Variants in COQ10B observed in about 807,000 individuals in gnomAD.
COQ10B encodes the protein coenzyme Q10B.
COQ10B carries 12 observed loss-of-function variants against 27.6 expected under a neutral mutation model. That is an observed-to-expected ratio of 0.43 (90% CI 0.28 to 0.70). The LOEUF is 0.70. COQ10B is among the 30% of genes least tolerant of loss of function. COQ10B has a pLI of 0.17. For missense variants in COQ10B, 278 were observed against 288.7 expected (o/e 0.96, Z 0.27); for synonymous variants, 115 against 103.0 (o/e 1.12, Z -0.71).
chr2:197,465,435 A>C (rs1320913141), intron 3 of COQ10B, among the ~76,000 whole-genome samples: 1 of 152,002 alleles, frequency 6.6e-6, no homozygotes, highest in Non-Finnish European at 1.5e-5. Flanking sequence ...GATTATAGCC[A>C]TGTGCCACCA....
intron 1 of COQ10B, among the ~76,000 whole-genome samples, chr2:197,457,430 T>C (rs1489799981): frequency 6.6e-6 from 1 of 152,206 alleles, no homozygotes; most frequent in East Asian, 1.9e-4. Context: ...AAACATAGAA[T>C]TATGCTCTTA....
chr2:197,474,082 C>A lies in COQ10B; in HGVS notation c.*158C>A. On this transcript the variant is annotated 3_prime_UTR_variant, in exon 5 of 5. Transcript: ENST00000263960. ...AAAATTTGCACATAGAATATAGACT[C>A]ACTTGTACATAGAATTATTTCTTCA... 2.3e-6 allele frequency: 1 copy of A among 426,150 alleles called. No homozygotes were observed. The highest frequency in any genetic ancestry group is 4.1e-6 in the Non-Finnish European group (1 of 244,266). The allele number at this position is 426,150 out of a possible 1,614,324, so 26.4% of individuals were successfully genotyped here.
rs752270714 is a variant in COQ10B at position 197,453,580 on chromosome 2, A to G, written c.20A>G (p.His7Arg). 8 of 1,614,004 alleles carry G rather than the reference A, an allele frequency of 5.0e-6. No individual in the cohort carries two copies. The South Asian group carries it at 7.7e-5, about 16-fold the overall frequency. ...TCTATCATGGCAGCTCGGACTGGTCATACGGCCTTGAGAAGGGTAGTCTCG... is the reference window on the plus strand; with the variant it reads ...TCTATCATGGCAGCTCGGACTGGTCGTACGGCCTTGAGAAGGGTAGTCTCG... MAARTG[H>R]TALRRVVSGC... The change falls in exon 1 of 5, where the codon CAT (histidine) becomes CGT (arginine). Residue 7 changes from histidine (H) to arginine (R), a missense_variant. His to Arg is a conservative substitution (Grantham distance 29). Coordinates refer to ENST00000263960, the MANE Select transcript of COQ10B (RefSeq NM_025147.5).
Position 197,470,125 on chromosome 2 carries a change from G to T in COQ10B, c.503G>T (p.Ser168Ile). Residue 168 changes from serine to isoleucine, a missense_variant, in exon 4 of 5, where the codon AGC becomes ATC. This residue lies in a region of COQ10B where 83 missense variants were observed against 104.5 expected (regional missense o/e 0.79). Transcript: ENST00000263960. ...FNHLETIWRF[S>I]PGLPGYPRTC... The stretch of plus-strand genomic sequence containing the variant: ...CATTTGGAGACTATTTGGCGTTTTA[G>T]CCCAGGTCTTCCTGGCTACCCAAGA... The T allele has an allele frequency of 6.2e-7, 1 of 1,613,376 alleles. No individual in the cohort carries two copies. Among genetic ancestry groups the T allele is most frequent in the South Asian group, 1.1e-5 (1 of 91,044 alleles).
At chr2:197,458,744 A>G (rs1405553541) in intron 1 of COQ10B, among the ~76,000 whole-genome samples, 3 of 149,620 alleles carry the variant, frequency 2.0e-5, no homozygotes, top group Admixed American at 1.3e-4. Context: ...GTGGTTGCAC[A>G]ACTTCGGCTT....
chr2:197,463,996 T>TATACACACAC (rs1553574096), intron 3 of COQ10B, among the ~76,000 whole-genome samples: 1 of 32,850 alleles, frequency 3.0e-5, no homozygotes, highest in Non-Finnish European at 5.0e-5. Context: ...TATATATATA[T>TATACACACAC]ACACACACAC....
chr2:197,460,094 T>A lies in COQ10B; in HGVS notation c.254+13T>A. 6.3e-7 allele frequency: 1 copy of A among 1,575,840 alleles called. No homozygotes were observed. The highest frequency in any genetic ancestry group is 8.7e-7 in the Non-Finnish European group (1 of 1,152,174). On this transcript the variant is annotated intron_variant, in intron 2 of 4. Transcript: ENST00000263960. ...GAAGAATTTTAGGGTTCGTATATGATAAGAATTCTACTAAAAGAGCATGTT... is the reference window on the plus strand; with the variant it reads ...GAAGAATTTTAGGGTTCGTATATGAAAAGAATTCTACTAAAAGAGCATGTT...
chr2:197,463,641 A>G (rs2085785432), intron 3 of COQ10B, among the ~76,000 whole-genome samples: 1 of 150,806 alleles, frequency 6.6e-6, no homozygotes, highest in South Asian at 2.1e-4. Context: ...AAGAAAAAAT[A>G]TAAAAATATT....
chr2:197,460,693 A>G (rs1011351064), intron 2 of COQ10B, among the ~76,000 whole-genome samples: 3 of 152,204 alleles, frequency 2.0e-5, no homozygotes, highest in Admixed American at 2.0e-4. Flanking sequence ...ATACATAGAT[A>G]AGTACATACA....
At chr2:197,468,356 T>C (rs1369897192) in intron 3 of COQ10B, among the ~76,000 whole-genome samples, 2 of 144,402 alleles carry the variant, frequency 1.4e-5, no homozygotes, top group Admixed American at 7.4e-5. Context: ...GGCAGGAGAA[T>C]GGTGTGGATC....
intron 1 of COQ10B, among the ~76,000 whole-genome samples, chr2:197,455,184 A>G (rs2085682891): frequency 1.3e-5 from 2 of 152,064 alleles, no homozygotes; most frequent in African/African-American, 2.4e-5. Context: ...ATTGCCTCCC[A>G]GTAAATACAT....
intron 2 of COQ10B, among the ~76,000 whole-genome samples, chr2:197,461,627 CAGAG>C (rs66918493): frequency 0.018 from 2,356 of 129,156 alleles, 35 homozygotes; most frequent in African/African-American, 0.04. Context: ...TACAGGGTCT[CAGAG>C]AGAGAGAGAG....
intron 3 of COQ10B, among the ~76,000 whole-genome samples, chr2:197,468,082 A>G (rs1349912425): frequency 6.6e-6 from 1 of 152,188 alleles, no homozygotes; most frequent in East Asian, 1.9e-4. Flanking sequence ...CATAACAGTA[A>G]AAATCCGTGC....
At chr2:197,473,413 A>ATAT (rs1272008900) in intron 4 of COQ10B, among the ~76,000 whole-genome samples, 185 of 58,528 alleles carry the variant, frequency 3.2e-3, no homozygotes, top group Non-Finnish European at 5.2e-3. Flanking sequence ...AAAAAAAAAA[A>ATAT]AAATATATAT....
At chr2:197,463,988 T>C (rs1347871571) in intron 3 of COQ10B, among the ~76,000 whole-genome samples, 250 of 81,458 alleles carry the variant, frequency 3.1e-3, no homozygotes, top group Non-Finnish European at 4.4e-3. Flanking sequence ...TATATATATA[T>C]ATATATATAC....
chr2:197,466,165 A>T lies in COQ10B; in HGVS notation c.447+3434A>T, dbSNP rs531298297. On this transcript the variant is annotated intron_variant, in intron 3 of 4. Coordinates refer to ENST00000263960, the MANE Select transcript of COQ10B (RefSeq NM_025147.5). ...TCTCTTTATCATTGCACATTGACCCATTTACTTCCCTGCTCCCTCCTCCCA... is the reference window on the plus strand; with the variant it reads ...TCTCTTTATCATTGCACATTGACCCTTTTACTTCCCTGCTCCCTCCTCCCA... Among the ~76,000 whole-genome samples, 3 of 152,178 alleles carry T rather than the reference A, an allele frequency of 2.0e-5. No homozygotes were observed. In the South Asian group the frequency reaches 6.2e-4, roughly 32 times the overall value.
At chr2:197,465,738 T>G (rs149441482) in intron 3 of COQ10B, among the ~76,000 whole-genome samples, 73 of 152,206 alleles carry the variant, frequency 4.8e-4, no homozygotes, top group Non-Finnish European at 5.4e-4. Flanking sequence ...TGCCTGTGAA[T>G]AGCTACTGCA....
intron 1 of COQ10B, chr2:197,453,906 C>G: frequency 6.6e-7 from 1 of 1,506,736 alleles, no homozygotes; most frequent in Non-Finnish European, 9.0e-7. Flanking sequence ...ATCGGCGAAG[C>G]GACTTTGGAA....
At chr2:197,472,732 A>G (rs1265554577) in intron 4 of COQ10B, among the ~76,000 whole-genome samples, 1 of 147,086 alleles carries the variant, frequency 6.8e-6, no homozygotes, top group African/African-American at 2.5e-5. Context: ...TGAACCTAGA[A>G]GTCAGAGGTT....
Sources: gnomAD v4.1 joint callset for allele counts (sites outside exome capture counted in the v4.1 genomes callset) on GRCh38, gnomAD v4.1.1 for gene constraint, gnomAD v4.1.1 regional missense constraint, MANE v1.5 for transcripts, NCBI Gene and HGNC (gene_info 2026-07-23, HGNC 2026-07-21) for gene names.